SGCD: variants seen among roughly 807,000 people sequenced by gnomAD.
SGCD encodes the protein sarcoglycan delta, also known as delta-sarcoglycan.
SGCD carries 18 observed loss-of-function variants against 36.6 expected under a neutral mutation model. That is an observed-to-expected ratio of 0.49 (90% CI 0.34 to 0.73). The LOEUF (loss-of-function observed/expected upper bound fraction) is 0.73. Among genes scored for constraint, SGCD ranks in the 30% least tolerant of loss-of-function variants. The pLI is 0.01. For synonymous variants in SGCD, 133 were observed against 130.6 expected (o/e 1.02, Z -0.12); for missense variants, 387 against 346.7 (o/e 1.12, Z -0.92).
chr5:156,678,368 G>A (rs911319870), intron 7 of SGCD, among the ~76,000 whole-genome samples: 8 of 152,172 alleles, frequency 5.3e-5, no homozygotes, highest in African/African-American at 1.9e-4. Context: ...GTTATTGGAG[G>A]TAAAGTTTTA....
intron 3 of SGCD, among the ~76,000 whole-genome samples, chr5:156,127,695 C>A (rs989825908): frequency 6.6e-6 from 1 of 151,542 alleles, no homozygotes; most frequent in Non-Finnish European, 1.5e-5. Flanking sequence ...TGACTTTTAA[C>A]AAGAGCACCA....
intron 3 of SGCD, among the ~76,000 whole-genome samples, chr5:156,402,682 C>T (rs988949641): frequency 2.0e-5 from 3 of 152,162 alleles, no homozygotes; most frequent in Non-Finnish European, 4.4e-5. Flanking sequence ...AATCTCCACC[C>T]AGGGGTGTGT....
chr5:156,175,141 ATTGAT>A (rs1200435111), intron 3 of SGCD, among the ~76,000 whole-genome samples: 1 of 152,146 alleles, frequency 6.6e-6, no homozygotes, highest in African/African-American at 2.4e-5. Context: ...GTAACATAGA[ATTGAT>A]TTAATAGGTG....
At chr5:155,750,824 C>A in the SGCD span, among the ~76,000 whole-genome samples, 5 of 152,040 alleles carry the variant, frequency 3.3e-5, no homozygotes, top group African/African-American at 1.2e-4. Flanking sequence ...TTAATTCATC[C>A]CAGTTGTCAT....
At chr5:155,749,417 A>G in the SGCD span, among the ~76,000 whole-genome samples, 2 of 152,230 alleles carry the variant, frequency 1.3e-5, no homozygotes, top group Non-Finnish European at 2.9e-5. Flanking sequence ...ATGATTATAC[A>G]GTTGATTCGG....
intron 7 of SGCD, among the ~76,000 whole-genome samples, chr5:156,694,304 C>T (rs947808496): frequency 2.0e-5 from 3 of 152,202 alleles, no homozygotes; most frequent in African/African-American, 7.2e-5. Flanking sequence ...TGTTTAAGTA[C>T]ATCTCCTCTG....
At chr5:156,683,380 TC>T (rs1344710173) in intron 7 of SGCD, among the ~76,000 whole-genome samples, 1 of 152,156 alleles carries the variant, frequency 6.6e-6, no homozygotes, top group Non-Finnish European at 1.5e-5. Flanking sequence ...CTCTATTTTA[TC>T]CCCAGTATCA....
chr5:156,484,396 A>G (rs775446745), intron 3 of SGCD, among the ~76,000 whole-genome samples: 67 of 152,226 alleles, frequency 4.4e-4, no homozygotes, highest in Non-Finnish European at 8.2e-4. Flanking sequence ...AAAAGTATCA[A>G]GTGACTTGCC....
chr5:155,883,311 A>C (rs1755929210), intron 1 of SGCD, among the ~76,000 whole-genome samples: 1 of 152,302 alleles, frequency 6.6e-6, no homozygotes, highest in South Asian at 2.1e-4. Flanking sequence ...TTGCATTTAC[A>C]ACTTGGCTGT....
chr5:156,650,683 C>CT (rs1227221029), intron 7 of SGCD, among the ~76,000 whole-genome samples: 2 of 152,066 alleles, frequency 1.3e-5, no homozygotes, highest in African/African-American at 4.8e-5. Flanking sequence ...TTTTTTATGG[C>CT]TTTGTAGTGT....
intron 3 of SGCD, among the ~76,000 whole-genome samples, chr5:156,150,447 A>T (rs1176837010): frequency 5.3e-5 from 8 of 151,588 alleles, no homozygotes; most frequent in Non-Finnish European, 1.2e-4. Context: ...TTGAATTCCA[A>T]TCATCTGCTT....
At chr5:156,095,882 T>C (rs1008251920) in intron 1 of SGCD, among the ~76,000 whole-genome samples, 7 of 152,108 alleles carry the variant, frequency 4.6e-5, no homozygotes, top group Non-Finnish European at 1.0e-4. Flanking sequence ...GCCCAAACGA[T>C]GTCACAAGCA....
rs1414216062 is a variant in SGCD, at chr5:156,761,219, G to A, written c.*1829G>A. 1 of 152,346 alleles carries A rather than the reference G, an allele frequency of 6.6e-6. No individual in the cohort carries two copies. Among genetic ancestry groups the A allele is most frequent in the East Asian group, 1.9e-4 (1 of 5,186 alleles). 9.4% of individuals were successfully genotyped at this position (152,346 alleles called of 1,614,324 possible). A position where few individuals can be genotyped will look rare whatever the true frequency, so the allele number is the denominator to read the frequency against. On this transcript the variant is annotated 3_prime_UTR_variant, in exon 9 of 9. Coordinates refer to ENST00000337851, the MANE Select transcript of SGCD (RefSeq NM_000337.6). The stretch of plus-strand genomic sequence containing the variant: ...CATGGGATGTAAAAGCAAGCTGTGT[G>A]TTGCTTAGTCACTTACTTAGAAGTA...
intron 3 of SGCD, among the ~76,000 whole-genome samples, chr5:156,356,516 G>A (rs1414786297): frequency 1.3e-5 from 2 of 152,176 alleles, no homozygotes; most frequent in Non-Finnish European, 2.9e-5. Context: ...AGACTCAGAA[G>A]TCAGATTGCA....
At chr5:155,787,469 C>A in the SGCD span, among the ~76,000 whole-genome samples, 1 of 152,074 alleles carries the variant, frequency 6.6e-6, no homozygotes, top group Non-Finnish European at 1.5e-5. Flanking sequence ...CATGAGGATG[C>A]CCCATGCAGC....
At chr5:156,282,047 T>G (rs1766467706) in intron 3 of SGCD, among the ~76,000 whole-genome samples, 1 of 151,972 alleles carries the variant, frequency 6.6e-6, no homozygotes, top group African/African-American at 2.4e-5. Flanking sequence ...AAAAAACTTC[T>G]GTTCTCCAGT....
intron 1 of SGCD, among the ~76,000 whole-genome samples, chr5:155,936,513 C>G (rs1270767107): frequency 6.6e-6 from 1 of 152,120 alleles, no homozygotes; most frequent in Non-Finnish European, 1.5e-5. Context: ...GTGTGTGGTT[C>G]CTCTCTGCTG....
the SGCD span, among the ~76,000 whole-genome samples, chr5:155,794,614 G>A: frequency 6.6e-6 from 1 of 152,164 alleles, no homozygotes; most frequent in Non-Finnish European, 1.5e-5. Context: ...AGACAGCTTA[G>A]TAGAACCTAT....
At chr5:156,224,254 AC>A (rs915557651) in intron 3 of SGCD, among the ~76,000 whole-genome samples, 12 of 151,940 alleles carry the variant, frequency 7.9e-5, no homozygotes, top group African/African-American at 2.7e-4. Context: ...ATTCTCTCAG[AC>A]CCAGAGCCCA....
Sources: gnomAD v4.1 joint callset for allele counts (sites outside exome capture counted in the v4.1 genomes callset) on GRCh38, gnomAD v4.1.1 for gene constraint, MANE v1.5 for transcripts, NCBI Gene and HGNC (gene_info 2026-07-23, HGNC 2026-07-21) for gene names.